Variants in SLC25A17 observed in about 807,000 individuals in gnomAD.
SLC25A17 encodes the protein peroxisomal membrane protein PMP34.
In SLC25A17, 26 loss-of-function variants were observed where a neutral mutation model predicts 38.5. The observed-to-expected ratio is 0.68, with a 90% confidence interval of 0.50 to 0.94. The LOEUF (loss-of-function observed/expected upper bound fraction) is 0.94. SLC25A17 is among the 40% of genes least tolerant of loss of function. The pLI, the probability that SLC25A17 is intolerant of heterozygous loss-of-function variation, is 0.00. For synonymous variants in SLC25A17, 139 were observed against 136.2 expected, an observed-to-expected ratio of 1.02 and a Z score of -0.14; for missense variants, 333 against 372.7, an observed-to-expected ratio of 0.89 and a Z score of 0.88.
chr22:40,782,640 G>A (rs2057305140), intron 4 of SLC25A17, among the ~76,000 whole-genome samples: 1 of 152,138 alleles, frequency 6.6e-6, no homozygotes, highest in South Asian at 2.1e-4. Context: ...TAAGAAAATG[G>A]CAAAACAAAG....
intron 1 of SLC25A17, among the ~76,000 whole-genome samples, chr22:40,805,904 T>TA (rs2057525939): frequency 6.6e-6 from 1 of 152,250 alleles, no homozygotes; most frequent in Non-Finnish European, 1.5e-5. Flanking sequence ...GGATTACTAT[T>TA]ACGCAAATTG....
intron 4 of SLC25A17, chr22:40,780,030 C>T (rs1324326828): frequency 6.6e-6 from 1 of 152,148 alleles, no homozygotes. Context: ...AAGCACACAT[C>T]CAACTGTCTG....
chr22:40,796,667 T>C (rs898575787), intron 2 of SLC25A17, among the ~76,000 whole-genome samples: 4 of 147,330 alleles, frequency 2.7e-5, no homozygotes, highest in African/African-American at 1.0e-4. Flanking sequence ...AAATTACAAA[T>C]ACAATTACCC....
At position 40,794,680 on chromosome 22, in the gene SLC25A17, CGTG is replaced by C; in HGVS notation, c.116-103_116-101del. ...TGTCGCCCAGGCTGGAGTGCAGTGG[CGTG>C]ATCTCAGCTCACTGCAACCTCCACC... On this transcript the variant is annotated intron_variant, in intron 2 of 8. Transcript: ENST00000435456. 5.4e-6 allele frequency: 3 copies of C among 551,152 alleles called. No individual in the cohort carries two copies. The South Asian group carries it at 6.8e-5, about 12-fold the overall frequency. 34.1% of individuals were successfully genotyped at this position (551,152 alleles called of 1,614,324 possible).
intron 8 of SLC25A17, among the ~76,000 whole-genome samples, chr22:40,771,352 T>C (rs1381351568): frequency 1.3e-5 from 2 of 152,178 alleles, no homozygotes; most frequent in African/African-American, 4.8e-5. Flanking sequence ...CCTCGTGATC[T>C]GCCCGCCTCA....
chr22:40,792,490 T>C, intron 4 of SLC25A17, 35 bp downstream of exon 4: 1 of 1,541,760 alleles, frequency 6.5e-7, no homozygotes, highest in Non-Finnish European at 8.8e-7. Flanking sequence ...ACAAGGTAAA[T>C]ATAAAAACAT....
At chr22:40,784,784 C>CAAAAAAAAAAA (rs71200616) in intron 4 of SLC25A17, among the ~76,000 whole-genome samples, 36 of 96,282 alleles carry the variant, frequency 3.7e-4, no homozygotes, top group Middle Eastern at 8.2e-3. Flanking sequence ...TCAACAACAA[C>CAAAAAAAAAAA]AAAAAAAAAA....
chr22:40,804,141 C>G (rs577579940), intron 1 of SLC25A17, among the ~76,000 whole-genome samples: 2 of 152,248 alleles, frequency 1.3e-5, no homozygotes. Flanking sequence ...CCAATTCGGG[C>G]TTCAAAGGAC....
At chr22:40,810,062 G>A (rs906409942) in intron 1 of SLC25A17, among the ~76,000 whole-genome samples, 2 of 152,038 alleles carry the variant, frequency 1.3e-5, no homozygotes, top group Admixed American at 1.3e-4. Context: ...CTCATCCTAG[G>A]CTCCTGACAC....
At chr22:40,771,522 A>G (rs879778702) in intron 8 of SLC25A17, among the ~76,000 whole-genome samples, 1 of 152,236 alleles carries the variant, frequency 6.6e-6, no homozygotes, top group African/African-American at 2.4e-5. Context: ...AGTACTATTC[A>G]GCCATCAAAA....
At chr22:40,793,673 C>T (rs1315353524) in intron 3 of SLC25A17, among the ~76,000 whole-genome samples, 2 of 151,820 alleles carry the variant, frequency 1.3e-5, no homozygotes, top group South Asian at 2.1e-4. Flanking sequence ...AGTGCAATGG[C>T]GCGATCTCGG....
Position 40,794,548 on chromosome 22 carries a change from T to C in SLC25A17, c.148A>G (p.Met50Val), listed in dbSNP as rs145343860. 2.5e-6 allele frequency: 4 copies of C among 1,611,798 alleles called. No individual in the cohort carries two copies. In the African/African-American group the frequency reaches 4.0e-5, roughly 16 times the overall value. Residue 50 changes from methionine to valine, a missense_variant, in exon 3 of 9, where the codon ATG (methionine) becomes GTG (valine). Transcript: ENST00000435456. ...TCTTTAATGATCTCCAGGAGCACCA[T>C]GTGTGTAGTTTTGGATTTTCTTTTC... The part of the protein sequence containing the change: ...DEKRKSKTTH[M>V]VLLEIIKEEG...
intron 1 of SLC25A17, among the ~76,000 whole-genome samples, chr22:40,809,125 C>T (rs1243031431): frequency 3.3e-5 from 5 of 150,020 alleles, no homozygotes; most frequent in South Asian, 2.1e-4. Context: ...TTTGTAGAGG[C>T]GAGACAACAT....
chr22:40,817,710 C>T (rs2057656772), intron 1 of SLC25A17, among the ~76,000 whole-genome samples: 1 of 152,132 alleles, frequency 6.6e-6, no homozygotes, highest in Admixed American at 6.6e-5. Flanking sequence ...TCCCCTGTTC[C>T]CTTACATTCT....
chr22:40,783,087 T>C (rs980749825), intron 4 of SLC25A17, among the ~76,000 whole-genome samples: 2 of 152,202 alleles, frequency 1.3e-5, no homozygotes, highest in African/African-American at 4.8e-5. Flanking sequence ...CATATTAAGA[T>C]ATAAAAACTT....
intron 2 of SLC25A17, chr22:40,797,404 G>T: frequency 1.3e-6 from 1 of 741,140 alleles, no homozygotes. Flanking sequence ...GGCAGATTAG[G>T]ACTACATGCC....
chr22:40,799,194 T>C (rs1179497826), intron 1 of SLC25A17, 111 bp from the exon 2 acceptor site: 5 of 740,678 alleles, frequency 6.8e-6, no homozygotes, highest in Non-Finnish European at 1.2e-5. Flanking sequence ...TGCAGTGGTT[T>C]ACGGCAGCCT....
intron 1 of SLC25A17, among the ~76,000 whole-genome samples, chr22:40,814,769 A>ATG (rs1228004652): frequency 7.8e-4 from 17 of 21,810 alleles, no homozygotes; most frequent in African/African-American, 3.9e-3. Context: ...ATATATATAT[A>ATG]TATATATATA....
chr22:40,800,139 A>T (rs1341371421), intron 1 of SLC25A17, among the ~76,000 whole-genome samples: 1 of 152,252 alleles, frequency 6.6e-6, no homozygotes, highest in African/African-American at 2.4e-5. Flanking sequence ...CTTTGCCAAC[A>T]ATTCTTTAAG....
Sources: allele counts gnomAD v4.1 joint callset (sites outside exome capture counted in the v4.1 genomes callset), GRCh38; gene constraint gnomAD v4.1.1; transcripts MANE v1.5; gene names NCBI Gene and HGNC (gene_info 2026-07-23, HGNC 2026-07-21).